TOP2B: variants seen among roughly 807,000 people sequenced by gnomAD.
TOP2B encodes the protein DNA topoisomerase II beta.
A neutral mutation model predicts 193.5 loss-of-function variants in TOP2B; 51 were observed. The ratio of observed to expected loss-of-function variants is 0.26; its 90% CI spans 0.21 to 0.33. The LOEUF (loss-of-function observed/expected upper bound fraction) is 0.33. TOP2B is among the 10% of genes least tolerant of loss of function. TOP2B has a pLI of 1.00. For missense variants in TOP2B, 1,378 were observed against 1,909.3 expected (o/e 0.72, Z 5.19); for synonymous variants, 634 against 635.7 (o/e 1.00, Z 0.04).
In TOP2B at chr3:25,664,889, G is replaced by A. The variant is rs1332123459; in HGVS notation, c.-592C>T. On this transcript the variant is annotated 5_prime_UTR_variant, in exon 1 of 36. Coordinates refer to ENST00000264331, the MANE Select transcript of TOP2B (RefSeq NM_001330700.2). ...CGCCACGGTCACCTCCCTCTTGTCC[G>A]GCATAACACCGCACACACACATTTG... is the stretch of plus-strand genomic sequence containing the variant. 3.0e-6 allele frequency: 3 copies of A among 990,106 alleles called. No homozygotes were observed. The highest frequency in any genetic ancestry group is 1.8e-5 in the African/African-American group (1 of 57,132). 61.3% of individuals were successfully genotyped at this position (990,106 alleles called of 1,614,324 possible).
At chr3:25,633,716 C>A in intron 8 of TOP2B, 125 bp downstream of exon 8, 1 of 728,968 alleles carries the variant, frequency 1.4e-6, no homozygotes, top group East Asian at 2.9e-5. Context: ...TTTCATAAGT[C>A]AATTCTTATT....
In TOP2B at chr3:25,615,287, C is replaced by A; in HGVS notation, c.3509G>T (p.Gly1170Val). Residue 1170 changes from glycine to valine, a missense_variant and splice_region_variant, in exon 27 of 36, where the codon GGG becomes GTG. This residue lies in a region of TOP2B where 556 missense variants were observed against 584.2 expected (regional missense o/e 0.95). Transcript: ENST00000264331. Reference protein sequence around the residue: ...EELIKQRDAKGREVNDLKRKS... With the variant: ...EELIKQRDAKVREVNDLKRKS... ...TCTTTTAAGATCATTGACCTCTCGCCCCTATAATAAAAAAGTACAGTTTAA... is the reference window on the plus strand; with the variant it reads ...TCTTTTAAGATCATTGACCTCTCGCACCTATAATAAAAAAGTACAGTTTAA... The A allele has an allele frequency of 1.2e-6, 2 of 1,607,196 alleles. No homozygotes were observed. The highest frequency in any genetic ancestry group is 1.7e-6 in the Non-Finnish European group (2 of 1,177,276).
intron 1 of TOP2B, among the ~76,000 whole-genome samples, chr3:25,652,294 A>G (rs1359538473): frequency 6.6e-6 from 1 of 152,224 alleles, no homozygotes; most frequent in East Asian, 1.9e-4. Flanking sequence ...AAAGACACAA[A>G]GAACTTGAAC....
At chr3:25,605,738 CT>C (rs1702220984) in intron 32 of TOP2B, among the ~76,000 whole-genome samples, 1 of 152,012 alleles carries the variant, frequency 6.6e-6, no homozygotes, top group African/African-American at 2.4e-5. Flanking sequence ...AAATTTCAAG[CT>C]TTCAAAATTT....
intron 1 of TOP2B, among the ~76,000 whole-genome samples, chr3:25,660,029 T>G (rs1159229755): frequency 6.6e-6 from 1 of 152,212 alleles, no homozygotes; most frequent in East Asian, 1.9e-4. Context: ...GAAGTTTATT[T>G]TTTAAAGTGT....
At chr3:25,632,388 GA>G (rs1702986257) in intron 10 of TOP2B, 57 bp downstream of exon 10, 1 of 1,415,500 alleles carries the variant, frequency 7.1e-7, no homozygotes, top group South Asian at 1.3e-5. Context: ...AGTAAATCAA[GA>G]AAACTACCTA....
Position 25,664,301 on chromosome 3 carries a change from G to A in TOP2B, c.-4C>T, listed in dbSNP as rs761159135. The A allele has an allele frequency of 8.9e-5, 137 of 1,531,368 alleles. No individual in the cohort carries two copies. Among genetic ancestry groups the A allele is most frequent in the Non-Finnish European group, 8.6e-5 (98 of 1,144,360 alleles). The allele number at this position is 1,531,368 out of a possible 1,614,324, so 94.9% of individuals were successfully genotyped here. On this transcript the variant is annotated 5_prime_UTR_variant, in exon 1 of 36. Transcript: ENST00000264331. The stretch of plus-strand genomic sequence containing the variant: ...CGCAGCCACCCGACTTGGCCATGGC[G>A]AGTGCCTCCAGCTCACAGGCCCTGA...
chr3:25,605,822 T>C (rs992528658), intron 32 of TOP2B, among the ~76,000 whole-genome samples: 10 of 152,096 alleles, frequency 6.6e-5, no homozygotes, highest in African/African-American at 2.4e-4. Context: ...CATTTGCCTG[T>C]CCACCTAAAT....
chr3:25,624,943 T>A, intron 18 of TOP2B, 140 bp from the exon 19 acceptor site: 1 of 750,332 alleles, frequency 1.3e-6, no homozygotes, highest in Non-Finnish European at 2.1e-6. Context: ...AGTGAGTACA[T>A]ACTAACACGT....
chr3:25,645,926 A>AT (rs756446533), intron 1 of TOP2B, among the ~76,000 whole-genome samples: 23,447 of 140,406 alleles, frequency 0.17, 1,922 homozygotes, highest in East Asian at 0.2. Context: ...TGCCCAGGTA[A>AT]TTTTTTTTTT....
chr3:25,615,139 A>G, intron 27 of TOP2B, 66 bp downstream of exon 27: 2 of 1,419,716 alleles, frequency 1.4e-6, no homozygotes, highest in Non-Finnish European at 2.0e-6. Flanking sequence ...AGATCACTTA[A>G]AAGAATTTCA....
chr3:25,659,422 T>TA (rs562238228), intron 1 of TOP2B, among the ~76,000 whole-genome samples: 84 of 152,308 alleles, frequency 5.5e-4, no homozygotes, highest in African/African-American at 1.9e-3. Flanking sequence ...ATCACTGGAT[T>TA]AAAAAAGAAG....
intron 27 of TOP2B, among the ~76,000 whole-genome samples, chr3:25,613,979 T>C (rs935504833): frequency 1.5e-4 from 23 of 152,182 alleles, no homozygotes; most frequent in African/African-American, 5.3e-4. Context: ...AAGCATTACA[T>C]AGAAGGCTGT....
At chr3:25,603,003 G>T (rs1250385130) in intron 33 of TOP2B, among the ~76,000 whole-genome samples, 2 of 152,096 alleles carry the variant, frequency 1.3e-5, no homozygotes, top group Admixed American at 1.3e-4. Flanking sequence ...CACCACACAG[G>T]CAGTCTACCT....
At chr3:25,632,339 C>T (rs1175342093) in intron 10 of TOP2B, 107 bp downstream of exon 10, 6 of 948,422 alleles carry the variant, frequency 6.3e-6, no homozygotes, top group Middle Eastern at 3.3e-4. Context: ...CATGCTTATA[C>T]CCACAGTTAA....
chr3:25,632,782 C>A lies in TOP2B; in HGVS notation c.1039G>T (p.Val347Leu), dbSNP rs372468052. Residue 347 changes from valine to leucine, a missense_variant, in exon 9 of 36, where the codon GTG becomes TTG. Coordinates refer to ENST00000264331, the MANE Select transcript of TOP2B (RefSeq NM_001330700.2). ...ACAACTTGATCTACCACATAATCCA[C>A]GTGCCGTCCACCCTAAAGAAAAAAA... ...SIATTKGGRH[V>L]DYVVDQVVGK... The A allele has an allele frequency of 1.2e-6, 2 of 1,612,568 alleles. No individual in the cohort carries two copies. The highest frequency in any genetic ancestry group is 2.7e-5 in the African/African-American group (2 of 74,778).
chr3:25,663,565 A>T (rs1703983064), intron 1 of TOP2B, among the ~76,000 whole-genome samples: 1 of 152,144 alleles, frequency 6.6e-6, no homozygotes, highest in South Asian at 2.1e-4. Context: ...TCTCCAGGAC[A>T]TCCATTCAGC....
At position 25,624,299 on chromosome 3, in the gene TOP2B, T is replaced by C; in HGVS notation, c.2493A>G (p.Leu831=). 1 of 1,613,762 alleles carries C rather than the reference T, an allele frequency of 6.2e-7. No homozygotes were observed. Among genetic ancestry groups the C allele is most frequent in the Non-Finnish European group, 8.5e-7 (1 of 1,179,744 alleles). The change falls in exon 20 of 36, where the codon TTA becomes TTG. Residue 831 remains leucine, a splice_region_variant and synonymous_variant. Coordinates refer to ENST00000264331, the MANE Select transcript of TOP2B (RefSeq NM_001330700.2). The part of the protein sequence containing the change: ...AASPRYIFTM[L]STLARLLFPA... ...CCATTATATCAGCAAATATTTACCT[T>C]AACATTGTGAAAATATAACGAGGGC...
intron 1 of TOP2B, among the ~76,000 whole-genome samples, chr3:25,657,029 G>A (rs989520239): frequency 1.6e-4 from 24 of 152,264 alleles, no homozygotes; most frequent in African/African-American, 5.8e-4. Flanking sequence ...TGGCAGCCTT[G>A]GCAGAGTAGA....
Sources: allele counts gnomAD v4.1 joint callset (sites outside exome capture counted in the v4.1 genomes callset), GRCh38; gene constraint gnomAD v4.1.1; regional missense constraint gnomAD v4.1.1; transcripts MANE v1.5; gene names NCBI Gene and HGNC (gene_info 2026-07-23, HGNC 2026-07-21).